The following CSMD1 variants were observed in gnomAD, a reference collection of about 807,000 sequenced individuals.
CSMD1 encodes CUB and sushi domain-containing protein 1.
A neutral mutation model predicts 417.5 loss-of-function variants in CSMD1; 213 were observed. The ratio of observed to expected loss-of-function variants is 0.51; its 90% CI spans 0.46 to 0.57. The LOEUF (loss-of-function observed/expected upper bound fraction) is 0.57. Among genes scored for constraint, CSMD1 ranks in the 20% least tolerant of loss-of-function variants. CSMD1 has a pLI of 0.00. For missense variants in CSMD1, 6,923 were observed against 4,529.7 expected, an observed-to-expected ratio of 1.53 and a Z score of -15.17; for synonymous variants, 2,862 against 1,736.8, an observed-to-expected ratio of 1.65 and a Z score of -16.11.
At chr8:3,983,375 C>G (rs976921603) in intron 5 of CSMD1, among the ~76,000 whole-genome samples, 1 of 152,062 alleles carries the variant, frequency 6.6e-6, no homozygotes, top group Non-Finnish European at 1.5e-5. Context: ...CGTGATCCCT[C>G]TTTCTTGCCC....
At chr8:3,506,715 A>G (rs987941435) in intron 10 of CSMD1, among the ~76,000 whole-genome samples, 1 of 152,222 alleles carries the variant, frequency 6.6e-6, no homozygotes, top group Non-Finnish European at 1.5e-5. Flanking sequence ...AAAAGAAAGG[A>G]GGCAATGATT....
Position 4,094,132 on chromosome 8 carries a change from G to C in CSMD1, c.416-62033C>G, listed in dbSNP as rs1800873803. On this transcript the variant is annotated intron_variant, in intron 3 of 69. Coordinates refer to ENST00000635120, the MANE Select transcript of CSMD1 (RefSeq NM_033225.6). ...TCCCCAACAGATGGTGCCTCCGTGT[G>C]TGGGGGGGATGAGGGGACACAGCCG... Among the ~76,000 whole-genome samples the C allele has an allele frequency of 2.6e-5, 4 of 152,238 alleles. No individual in the cohort carries two copies. The South Asian group carries it at 8.3e-4, about 32-fold the overall frequency.
intron 3 of CSMD1, among the ~76,000 whole-genome samples, chr8:4,156,625 G>C (rs1584925635): frequency 1.3e-5 from 2 of 152,114 alleles, no homozygotes; most frequent in East Asian, 1.9e-4. Flanking sequence ...GGAAACAGTA[G>C]TTTTTGCTAT....
chr8:4,875,865 A>G (rs1342809968), intron 1 of CSMD1, among the ~76,000 whole-genome samples: 1 of 152,052 alleles, frequency 6.6e-6, no homozygotes, highest in Admixed American at 6.6e-5. Flanking sequence ...AATCTGAAAT[A>G]ATTTATGAAA....
At chr8:3,657,724 T>C (rs60744217) in intron 7 of CSMD1, among the ~76,000 whole-genome samples, 3,505 of 152,122 alleles carry the variant, frequency 0.023, 147 homozygotes, top group African/African-American at 0.08. Context: ...AGGGGTAGCA[T>C]TAGGAGAAAT....
intron 5 of CSMD1, among the ~76,000 whole-genome samples, chr8:3,867,561 C>T (rs1407157658): frequency 6.6e-6 from 1 of 152,072 alleles, no homozygotes; most frequent in African/African-American, 2.4e-5. Flanking sequence ...GACGTCTAAT[C>T]CTCTAATGAA....
intron 12 of CSMD1, among the ~76,000 whole-genome samples, chr8:3,444,882 A>G (rs1420352054): frequency 2.6e-5 from 4 of 152,190 alleles, no homozygotes. Context: ...GATTTGTGGC[A>G]TTTAGTCAAT....
At chr8:3,305,789 C>T (rs372064281) in intron 25 of CSMD1, among the ~76,000 whole-genome samples, 1 of 152,180 alleles carries the variant, frequency 6.6e-6, no homozygotes, top group Admixed American at 6.5e-5. Flanking sequence ...ACACCATTCT[C>T]CTGCCTCAGC....
intron 1 of CSMD1, among the ~76,000 whole-genome samples, chr8:4,964,049 G>A (rs1456306218): frequency 3.3e-5 from 5 of 152,214 alleles, no homozygotes; most frequent in African/African-American, 7.2e-5. Context: ...TGATAGCTGG[G>A]TGAATCTGGC....
intron 3 of CSMD1, among the ~76,000 whole-genome samples, chr8:4,400,988 T>G (rs575900854): frequency 1.1e-4 from 16 of 152,308 alleles, no homozygotes; most frequent in African/African-American, 3.8e-4. Flanking sequence ...TTTTAACAGG[T>G]GTTTCTTAAC....
intron 3 of CSMD1, among the ~76,000 whole-genome samples, chr8:4,225,677 T>C (rs1801306629): frequency 3.9e-5 from 6 of 152,266 alleles, no homozygotes; most frequent in Admixed American, 3.9e-4. Flanking sequence ...GGTGATGCCT[T>C]AGGAAACTGT....
At chr8:4,083,855 C>G (rs1037888904) in intron 3 of CSMD1, among the ~76,000 whole-genome samples, 4 of 152,104 alleles carry the variant, frequency 2.6e-5, no homozygotes, top group Admixed American at 2.0e-4. Context: ...TCTAATTAAA[C>G]TAAAGAGCTT....
intron 5 of CSMD1, among the ~76,000 whole-genome samples, chr8:3,886,235 G>C (rs1034994613): frequency 6.6e-6 from 1 of 152,042 alleles, no homozygotes; most frequent in Non-Finnish European, 1.5e-5. Context: ...TTTTAGTAGA[G>C]ATGGGGTTTC....
At chr8:4,078,778 G>A (rs547802903) in intron 3 of CSMD1, among the ~76,000 whole-genome samples, 3 of 149,808 alleles carry the variant, frequency 2.0e-5, no homozygotes, top group South Asian at 2.2e-4. Context: ...GCTTACACCT[G>A]TAATCCTAGC....
chr8:4,539,691 G>C (rs1276843044), intron 2 of CSMD1, among the ~76,000 whole-genome samples: 4 of 152,172 alleles, frequency 2.6e-5, no homozygotes, highest in African/African-American at 9.7e-5. Context: ...TATAGTAGGG[G>C]AAAATATCCT....
intron 1 of CSMD1, 50 bp downstream of exon 1, chr8:4,994,282 G>C (rs1811638314): frequency 1.3e-6 from 2 of 1,544,726 alleles, no homozygotes; most frequent in Non-Finnish European, 1.8e-6. Context: ...CCGCACACGG[G>C]GCCTCCGAGG....
rs112833685 is a variant in CSMD1 at position 3,953,046 on chromosome 8, A to G, written c.818+44857T>C. On this transcript the variant is annotated intron_variant, in intron 5 of 69. Coordinates refer to ENST00000635120, the MANE Select transcript of CSMD1 (RefSeq NM_033225.6). ...AAGGTTTACTAAAGACAAAATTATA[A>G]TCAATGAAAAGAACAGAAAAGAAAC... 5.9e-3 allele frequency among the ~76,000 whole-genome samples: 898 copies of G among 152,280 alleles called. 8 individuals carry two copies. The highest frequency in any genetic ancestry group is 0.02 in the African/African-American group (821 of 41,590).
At chr8:3,497,316 G>A (rs1357088407) in intron 10 of CSMD1, among the ~76,000 whole-genome samples, 1 of 151,942 alleles carries the variant, frequency 6.6e-6, no homozygotes, top group Non-Finnish European at 1.5e-5. Context: ...TATATATCTG[G>A]GGTCTCTGGT....
intron 2 of CSMD1, among the ~76,000 whole-genome samples, chr8:4,548,871 T>C (rs1349282000): frequency 6.6e-6 from 1 of 152,134 alleles, no homozygotes. Context: ...GGAGGTAAAG[T>C]ATTTCTCTGT....
Sources: allele counts gnomAD v4.1 joint callset (sites outside exome capture counted in the v4.1 genomes callset), GRCh38; gene constraint gnomAD v4.1.1; transcripts MANE v1.5; gene names NCBI Gene and HGNC (gene_info 2026-07-23, HGNC 2026-07-21).